FRMD4A: variants seen among roughly 807,000 people sequenced by gnomAD.
The protein encoded by FRMD4A is FERM domain-containing protein 4A.
Under a neutral mutation model 129.1 loss-of-function variants are expected in FRMD4A, and 29 were observed. The ratio of observed to expected loss-of-function variants is 0.22; its 90% confidence interval spans 0.17 to 0.31. The LOEUF (loss-of-function observed/expected upper bound fraction) is 0.31, where lower values mean the gene tolerates loss of function less well. Ranked by LOEUF, FRMD4A falls within the 10% of genes least tolerant of loss-of-function variation. FRMD4A has a pLI of 1.00. For missense variants in FRMD4A, 1,272 were observed against 1,375.8 expected, an observed-to-expected ratio of 0.92 and a Z score of 1.19; for synonymous variants, 634 against 571.6, an observed-to-expected ratio of 1.11 and a Z score of -1.56.
intron 2 of FRMD4A, among the ~76,000 whole-genome samples, chr10:14,117,431 G>C (rs558206397): frequency 6.6e-6 from 1 of 152,362 alleles, no homozygotes; most frequent in South Asian, 2.1e-4. Context: ...TTCTGAGCTA[G>C]CAGGAGCCCC....
chr10:13,810,695 C>G, intron 4 of FRMD4A, 119 bp downstream of exon 4: 1 of 534,294 alleles, frequency 1.9e-6, no homozygotes, highest in Non-Finnish European at 3.4e-6. Context: ...TGGACTGACC[C>G]CAGACCATGG....
intron 2 of FRMD4A, among the ~76,000 whole-genome samples, chr10:14,036,042 C>CAA (rs10596694): frequency 1.5e-5 from 2 of 134,050 alleles, no homozygotes; most frequent in African/African-American, 5.7e-5. Flanking sequence ...AACTCCACCT[C>CAA]AAAAAAAAAA....
chr10:13,795,357 TAAAC>T (rs2093092085), intron 5 of FRMD4A, among the ~76,000 whole-genome samples: 1 of 152,240 alleles, frequency 6.6e-6, no homozygotes, highest in Non-Finnish European at 1.5e-5. Flanking sequence ...TCACAGCTGT[TAAAC>T]AAATCAAAAA....
intron 3 of FRMD4A, among the ~76,000 whole-genome samples, chr10:13,826,960 A>G (rs771435700): frequency 1.6e-4 from 24 of 152,028 alleles, no homozygotes; most frequent in Non-Finnish European, 2.6e-4. Context: ...AGTCTGTAAC[A>G]CCCTCCATCC....
At chr10:14,232,910 A>T (rs1196766990) in intron 2 of FRMD4A, among the ~76,000 whole-genome samples, 1 of 152,090 alleles carries the variant, frequency 6.6e-6, no homozygotes, top group Non-Finnish European at 1.5e-5. Flanking sequence ...TTGGTCTTTT[A>T]TTTCGTAGTC....
intron 12 of FRMD4A, among the ~76,000 whole-genome samples, chr10:13,715,657 G>A (rs1490397571): frequency 6.6e-6 from 1 of 152,150 alleles, no homozygotes; most frequent in Non-Finnish European, 1.5e-5. Flanking sequence ...TGTAATCCCA[G>A]CACTTTGGGA....
intron 15 of FRMD4A, among the ~76,000 whole-genome samples, chr10:13,689,189 A>G (rs113789141): frequency 0.36 from 37,195 of 103,256 alleles, 7,667 homozygotes; most frequent in Middle Eastern, 0.49. Flanking sequence ...GCAGTACACA[A>G]ACTCTTTGCG....
At chr10:13,977,203 T>C (rs553135792) in intron 2 of FRMD4A, among the ~76,000 whole-genome samples, 72 of 152,368 alleles carry the variant, frequency 4.7e-4, no homozygotes, top group African/African-American at 1.7e-3. Flanking sequence ...ATTTCTTTTG[T>C]GCTTTGTGAG....
intron 2 of FRMD4A, among the ~76,000 whole-genome samples, chr10:13,903,894 T>C (rs1565007671): frequency 2.0e-5 from 3 of 151,656 alleles, no homozygotes; most frequent in Non-Finnish European, 2.9e-5. Context: ...AAAAAAAAAA[T>C]TGTCTGATGA....
intron 2 of FRMD4A, among the ~76,000 whole-genome samples, chr10:14,184,367 C>G (rs1589138673): frequency 2.1e-5 from 3 of 146,168 alleles, no homozygotes; most frequent in African/African-American, 5.0e-5. Context: ...ACTCCTGACC[C>G]AAAGTGCTGG....
intron 2 of FRMD4A, among the ~76,000 whole-genome samples, chr10:14,323,710 A>ACTTC (rs2132123797): frequency 6.6e-6 from 1 of 152,218 alleles, no homozygotes; most frequent in East Asian, 1.9e-4. Context: ...CCAGTTGATT[A>ACTTC]CTTCCTTCCT....
chr10:13,992,925 C>T (rs2095608380), intron 2 of FRMD4A, among the ~76,000 whole-genome samples: 1 of 132,320 alleles, frequency 7.6e-6, no homozygotes, highest in Admixed American at 8.9e-5. Flanking sequence ...TGCACTCCAG[C>T]CTGGGCAATA....
intron 4 of FRMD4A, among the ~76,000 whole-genome samples, chr10:13,798,232 G>A (rs2093166237): frequency 6.6e-6 from 1 of 152,048 alleles, no homozygotes; most frequent in Admixed American, 6.6e-5. Context: ...CCAACATGGT[G>A]AAACCCTGTC....
At chr10:13,908,336 G>A (rs895313701) in intron 2 of FRMD4A, among the ~76,000 whole-genome samples, 1 of 152,156 alleles carries the variant, frequency 6.6e-6, no homozygotes, top group East Asian at 1.9e-4. Flanking sequence ...CTCCCCAGAA[G>A]GTGATAGTCT....
At chr10:14,003,818 C>A (rs747727766) in intron 2 of FRMD4A, among the ~76,000 whole-genome samples, 4 of 152,188 alleles carry the variant, frequency 2.6e-5, no homozygotes, top group Non-Finnish European at 5.9e-5. Context: ...AACATAAAAC[C>A]ATTTCCTCGT....
intron 2 of FRMD4A, among the ~76,000 whole-genome samples, chr10:14,228,274 T>A (rs1467824102): frequency 6.6e-6 from 1 of 152,188 alleles, no homozygotes; most frequent in Non-Finnish European, 1.5e-5. Context: ...CAAATCCAAT[T>A]TATATCCTCA....
chr10:14,184,010 T>A (rs1252526414), intron 2 of FRMD4A, among the ~76,000 whole-genome samples: 1 of 152,172 alleles, frequency 6.6e-6, no homozygotes, highest in Non-Finnish European at 1.5e-5. Flanking sequence ...TTGCTATGGT[T>A]TCCAAGCATG....
intron 2 of FRMD4A, among the ~76,000 whole-genome samples, chr10:14,061,403 AT>A (rs1834807248): frequency 6.6e-6 from 1 of 152,218 alleles, no homozygotes; most frequent in Non-Finnish European, 1.5e-5. Flanking sequence ...ATGAGCCAAG[AT>A]TCCAGTCTGA....
chr10:14,176,686 G>C (rs1203785811), intron 2 of FRMD4A, among the ~76,000 whole-genome samples: 1 of 151,932 alleles, frequency 6.6e-6, no homozygotes, highest in Non-Finnish European at 1.5e-5. Context: ...TGTTGGCCAG[G>C]ATGGTCTCAA....
Sources: allele counts gnomAD v4.1 joint callset (sites outside exome capture counted in the v4.1 genomes callset), GRCh38; gene constraint gnomAD v4.1.1; transcripts MANE v1.5; gene names NCBI Gene and HGNC (gene_info 2026-07-23, HGNC 2026-07-21).